RIMS1: variants seen among roughly 807,000 people sequenced by gnomAD.
The protein encoded by RIMS1 is regulating synaptic membrane exocytosis protein 1.
RIMS1 carries 83 observed loss-of-function variants against 214.1 expected under a neutral mutation model. That is an observed-to-expected ratio of 0.39 (90% CI 0.32 to 0.47). RIMS1 has a LOEUF of 0.47. Among genes scored for constraint, RIMS1 ranks in the 20% least tolerant of loss-of-function variants. RIMS1 has a pLI of 0.99. For synonymous variants in RIMS1, 793 were observed against 786.8 expected (o/e 1.01, Z -0.13); for missense variants, 2,050 against 2,161.8 (o/e 0.95, Z 1.03).
At chr6:71,887,966 A>G (rs1208469575) in intron 1 of RIMS1, among the ~76,000 whole-genome samples, 1 of 152,180 alleles carries the variant, frequency 6.6e-6, no homozygotes, top group Non-Finnish European at 1.5e-5. Context: ...GGGCCTGTTC[A>G]GTTCCTGGAG....
chr6:72,099,154 T>C (rs867036162), intron 3 of RIMS1, among the ~76,000 whole-genome samples: 1 of 152,220 alleles, frequency 6.6e-6, no homozygotes, highest in African/African-American at 2.4e-5. Context: ...CTTCCCATTA[T>C]AGGTTTGAGA....
At chr6:72,080,847 A>G (rs1185017422) in intron 2 of RIMS1, among the ~76,000 whole-genome samples, 1 of 152,120 alleles carries the variant, frequency 6.6e-6, no homozygotes, top group Admixed American at 6.6e-5. Context: ...CCTTACTTAC[A>G]CTTTAAAAAA....
intron 27 of RIMS1, among the ~76,000 whole-genome samples, chr6:72,308,297 T>G (rs905926467): frequency 1.3e-5 from 2 of 152,112 alleles, no homozygotes; most frequent in African/African-American, 4.8e-5. Context: ...GCATAGATTT[T>G]TGTTCTTCAT....
In RIMS1 at chr6:72,183,091, G is replaced by T; in HGVS notation, c.1620G>T (p.Thr540=). Residue 540 remains threonine (T), a synonymous_variant, in exon 6 of 34, where the codon ACG becomes ACT. Coordinates refer to ENST00000521978, the MANE Select transcript of RIMS1 (RefSeq NM_014989.7). ...GCTCTGAGGAGGAGGGCGTGTCGAC[G>T]CCCGAGTACACCAGCTGCGAGGACG... ...VSSSEEEGVS[T]PEYTSCEDVE... is the part of the protein sequence containing the mutation. 1 of 1,591,800 alleles carries T rather than the reference G, an allele frequency of 6.3e-7. No homozygotes were observed. Among genetic ancestry groups the T allele is most frequent in the Non-Finnish European group, 8.5e-7 (1 of 1,170,308 alleles).
At chr6:72,303,716 AT>A (rs1406294139) in intron 26 of RIMS1, among the ~76,000 whole-genome samples, 1 of 151,550 alleles carries the variant, frequency 6.6e-6, no homozygotes, top group Non-Finnish European at 1.5e-5. Flanking sequence ...AACAATGTAT[AT>A]AAAGTTGGAA....
intron 2 of RIMS1, among the ~76,000 whole-genome samples, chr6:71,992,497 T>A (rs143292510): frequency 3.3e-3 from 497 of 150,158 alleles, no homozygotes; most frequent in Non-Finnish European, 5.6e-3. Flanking sequence ...TCCCTTCTTT[T>A]TCTTCTTCTC....
intron 2 of RIMS1, among the ~76,000 whole-genome samples, chr6:72,053,860 T>C (rs1029669566): frequency 6.6e-6 from 1 of 152,158 alleles, no homozygotes; most frequent in Non-Finnish European, 1.5e-5. Flanking sequence ...CATGAAACTG[T>C]TTCACAGAGT....
chr6:71,983,689 C>T (rs1799094153), intron 2 of RIMS1, among the ~76,000 whole-genome samples: 1 of 152,144 alleles, frequency 6.6e-6, no homozygotes, highest in Non-Finnish European at 1.5e-5. Context: ...CCTGAATGCT[C>T]AGATGTGGAG....
At chr6:72,019,495 C>T (rs1040623236) in intron 2 of RIMS1, among the ~76,000 whole-genome samples, 4 of 152,070 alleles carry the variant, frequency 2.6e-5, no homozygotes, top group Admixed American at 6.6e-5. Context: ...GGTGTTATAG[C>T]GATCACTATA....
intron 29 of RIMS1, among the ~76,000 whole-genome samples, chr6:72,389,349 TG>T (rs1209863005): frequency 1.3e-5 from 2 of 152,196 alleles, no homozygotes; most frequent in Non-Finnish European, 2.9e-5. Flanking sequence ...ATATTGTCTT[TG>T]TAAGCAAAAA....
intron 1 of RIMS1, among the ~76,000 whole-genome samples, chr6:71,963,962 G>C (rs1439699529): frequency 1.3e-5 from 2 of 152,102 alleles, no homozygotes; most frequent in East Asian, 3.9e-4. Flanking sequence ...CTTAGCATAT[G>C]TCAGTGATCC....
At chr6:72,100,202 G>T (rs2033198248) in intron 4 of RIMS1, among the ~76,000 whole-genome samples, 1 of 151,992 alleles carries the variant, frequency 6.6e-6, no homozygotes, top group African/African-American at 2.4e-5. Flanking sequence ...AGTTCATGAT[G>T]ACAGTGAAAT....
chr6:72,179,743 G>A lies in RIMS1; in HGVS notation c.640G>A (p.Glu214Lys). 6.2e-7 allele frequency: 1 copy of A among 1,613,822 alleles called. No homozygotes were observed. Among genetic ancestry groups the A allele is most frequent in the South Asian group, 1.1e-5 (1 of 91,070 alleles). ...VPREKKARLQERSRSQTPLST... is the reference protein window; with the variant it reads ...VPREKKARLQKRSRSQTPLST... The stretch of plus-strand genomic sequence containing the variant: ...AAGAGAAAAGAAAGCACGACTCCAA[G>A]AGCGATCGCGGTCTCAGACACCCCT... Residue 214 changes from glutamate to lysine, a missense_variant, in exon 5 of 34, where the codon GAG becomes AAG. This residue lies in a region of RIMS1 where 882 missense variants were observed against 828.9 expected (regional missense o/e 1.06). Coordinates refer to ENST00000521978, the MANE Select transcript of RIMS1 (RefSeq NM_014989.7).
In RIMS1 at chr6:72,357,653, G is replaced by A. The variant is rs188001372; in HGVS notation, c.4366+23818G>A. ...GTCTCTAATACTTCCAAGCTCTTCA[G>A]TCTATGGTTCTGTAACTTGTTTTTC... On this transcript the variant is annotated intron_variant, in intron 29 of 33. Coordinates refer to ENST00000521978, the MANE Select transcript of RIMS1 (RefSeq NM_014989.7). Among the ~76,000 whole-genome samples the A allele has an allele frequency of 2.0e-3, 298 of 152,238 alleles. 1 individual carries two copies. The highest frequency in any genetic ancestry group is 6.9e-3 in the African/African-American group (288 of 41,556).
At chr6:72,325,348 A>G (rs939268726) in intron 28 of RIMS1, among the ~76,000 whole-genome samples, 2 of 151,684 alleles carry the variant, frequency 1.3e-5, no homozygotes, top group Non-Finnish European at 1.5e-5. Context: ...TTATGCATAT[A>G]GGAAATATAT....
intron 19 of RIMS1, chr6:72,263,980 T>G: frequency 1.8e-6 from 1 of 566,792 alleles, no homozygotes; most frequent in Non-Finnish European, 2.2e-6. Flanking sequence ...ATAACAAGAG[T>G]GAGACTCTGT....
At chr6:72,220,050 G>A (rs892305096) in intron 6 of RIMS1, among the ~76,000 whole-genome samples, 20 of 151,916 alleles carry the variant, frequency 1.3e-4, no homozygotes, top group Non-Finnish European at 1.2e-4. Context: ...TGCTTTTTGA[G>A]GTGAGTTCCC....
At chr6:72,371,977 A>G (rs887493638) in intron 29 of RIMS1, among the ~76,000 whole-genome samples, 3 of 152,208 alleles carry the variant, frequency 2.0e-5, no homozygotes, top group African/African-American at 7.2e-5. Context: ...CAGTCTAACC[A>G]GGAAACAGTC....
At chr6:72,156,345 T>C (rs1027710115) in intron 4 of RIMS1, among the ~76,000 whole-genome samples, 1 of 140,936 alleles carries the variant, frequency 7.1e-6, no homozygotes, top group African/African-American at 2.5e-5. Context: ...GATATCATGT[T>C]AAGTGAAATA....
Sources: allele counts gnomAD v4.1 joint callset (sites outside exome capture counted in the v4.1 genomes callset), GRCh38; gene constraint gnomAD v4.1.1; regional missense constraint gnomAD v4.1.1; transcripts MANE v1.5; gene names NCBI Gene and HGNC (gene_info 2026-07-23, HGNC 2026-07-21).